The following KIAA1671 variants were observed in gnomAD, a reference collection of about 807,000 sequenced individuals.
The protein encoded by KIAA1671 is KIAA1671.
In KIAA1671, 52 loss-of-function variants were observed where a neutral mutation model predicts 131.2. The ratio of observed to expected loss-of-function variants is 0.40; its 90% CI spans 0.32 to 0.50. KIAA1671 has a LOEUF of 0.50. KIAA1671 is among the 20% of genes least tolerant of loss of function. The pLI is 0.73. For synonymous variants in KIAA1671, 1,003 were observed against 961.6 expected (o/e 1.04, Z -0.80); for missense variants, 2,360 against 2,364.2 (o/e 1.00, Z 0.04).
At position 25,054,303 on chromosome 22, in the gene KIAA1671, C is replaced by CT. The variant is rs961875170; in HGVS notation, c.4530+4948dup. ...GCAGTGGGTTCTAATAGCTAATTTT[C>CT]TTTTTTTTTCTTAAACAACAGAAAT... On this transcript the variant is annotated intron_variant, in intron 6 of 12. Coordinates refer to ENST00000358431, the MANE Select transcript of KIAA1671 (RefSeq NM_001145206.2). 22 of 148,296 alleles carry CT rather than the reference C, an allele frequency of 1.5e-4. 1 individual carries two copies. Among genetic ancestry groups the CT allele is most frequent in the African/African-American group, 4.2e-4 (17 of 40,672 alleles). 9.2% of individuals were successfully genotyped at this position (148,296 alleles called of 1,614,324 possible). A position where few individuals can be genotyped will look rare whatever the true frequency, so the allele number is the denominator to read the frequency against.
intron 6 of KIAA1671, among the ~76,000 whole-genome samples, chr22:25,148,965 C>T (rs774875340): frequency 1.3e-5 from 2 of 152,170 alleles, no homozygotes; most frequent in Non-Finnish European, 2.9e-5. Flanking sequence ...CTGAAAAGAG[C>T]GAATTCCGAA....
At chr22:25,113,600 G>A (rs1284835031) in intron 6 of KIAA1671, among the ~76,000 whole-genome samples, 2 of 152,178 alleles carry the variant, frequency 1.3e-5, no homozygotes, top group African/African-American at 4.8e-5. Context: ...TATCCCCTCT[G>A]CTGACCCAGA....
intron 6 of KIAA1671, among the ~76,000 whole-genome samples, chr22:25,097,370 C>T (rs560516922): frequency 2.0e-5 from 3 of 152,304 alleles, no homozygotes; most frequent in Admixed American, 6.5e-5. Context: ...TGTATTACCT[C>T]GCACAGTTCA....
chr22:25,018,616 G>A (rs1925476336), intron 1 of KIAA1671, among the ~76,000 whole-genome samples: 1 of 152,012 alleles, frequency 6.6e-6, no homozygotes, highest in Non-Finnish European at 1.5e-5. Flanking sequence ...TTATGAATTT[G>A]CCTATTCTAA....
chr22:25,190,291 G>A (rs188127686), intron 11 of KIAA1671, among the ~76,000 whole-genome samples: 43 of 152,146 alleles, frequency 2.8e-4, no homozygotes, highest in Middle Eastern at 3.4e-3. Context: ...TTCACAATAG[G>A]GTTCACACTC....
At chr22:25,137,357 TCTTCCTATGTTA>T (rs1932724274) in intron 6 of KIAA1671, among the ~76,000 whole-genome samples, 2 of 152,230 alleles carry the variant, frequency 1.3e-5, no homozygotes, top group African/African-American at 4.8e-5. Context: ...GCCCGAATTC[TCTTCCTATGTTA>T]CCAGGCCTGT....
intron 6 of KIAA1671, among the ~76,000 whole-genome samples, chr22:25,075,090 A>G (rs1929034019): frequency 6.6e-6 from 1 of 152,200 alleles, no homozygotes; most frequent in South Asian, 2.1e-4. Context: ...AGAAGTTAAC[A>G]TTGGTGCATT....
intron 1 of KIAA1671, among the ~76,000 whole-genome samples, chr22:24,995,186 G>A (rs1235092401): frequency 1.3e-5 from 2 of 151,514 alleles, no homozygotes; most frequent in African/African-American, 2.4e-5. Flanking sequence ...GAGTAGCTGG[G>A]ACTACAAGTG....
chr22:24,992,218 G>T (rs959805417), intron 1 of KIAA1671, among the ~76,000 whole-genome samples: 9 of 152,296 alleles, frequency 5.9e-5, no homozygotes, highest in Non-Finnish European at 8.8e-5. Context: ...ACCCTAAAGA[G>T]CTGGATTCCT....
At chr22:25,166,125 G>T (rs929473289) in intron 6 of KIAA1671, among the ~76,000 whole-genome samples, 1 of 152,212 alleles carries the variant, frequency 6.6e-6, no homozygotes, top group African/African-American at 2.4e-5. Context: ...AGCTGCCGCC[G>T]TGGGTGAACA....
intron 6 of KIAA1671, among the ~76,000 whole-genome samples, chr22:25,118,623 C>G (rs1931793014): frequency 6.6e-6 from 1 of 152,078 alleles, no homozygotes; most frequent in Non-Finnish European, 1.5e-5. Context: ...TGTCAGCCCC[C>G]CACACACTCC....
At chr22:24,975,658 G>A (rs942026343) in intron 1 of KIAA1671, among the ~76,000 whole-genome samples, 1 of 152,052 alleles carries the variant, frequency 6.6e-6, no homozygotes, top group Non-Finnish European at 1.5e-5. Flanking sequence ...CATTTTCGTA[G>A]GTCAAGAATG....
intron 4 of KIAA1671, among the ~76,000 whole-genome samples, chr22:25,035,272 C>G (rs1926527052): frequency 2.0e-5 from 3 of 152,068 alleles, no homozygotes; most frequent in Admixed American, 1.3e-4. Flanking sequence ...GTCTTGAACT[C>G]CTGACCTCAG....
intron 6 of KIAA1671, chr22:25,062,801 C>A (rs553779826): frequency 1.4e-4 from 18 of 132,002 alleles, no homozygotes; most frequent in African/African-American, 3.9e-4. Flanking sequence ...CTGTTCCCCC[C>A]CTCCCAACCG....
At chr22:25,009,942 G>C (rs552072479) in intron 1 of KIAA1671, 1 of 152,334 alleles carries the variant, frequency 6.6e-6, no homozygotes, top group South Asian at 2.1e-4. Context: ...ACACAGGCCA[G>C]ACTTGTGAAC....
rs557208545 is a variant in KIAA1671, at chr22:25,194,850, G to C, written c.*2449G>C. ...GACCTCTGAGACCTGCTTATGATCA[G>C]TGCAATGAAGTTAGAAGTAACTGAT... On this transcript the variant is annotated 3_prime_UTR_variant, in exon 13 of 13. Coordinates refer to ENST00000358431, the MANE Select transcript of KIAA1671 (RefSeq NM_001145206.2). The C allele has an allele frequency of 4.9e-4, 74 of 152,294 alleles. No homozygotes were observed. The highest frequency in any genetic ancestry group is 1.8e-3 in the African/African-American group (74 of 41,554). The allele number at this position is 152,294 out of a possible 1,614,324, so 9.4% of individuals were successfully genotyped here. A position where few individuals can be genotyped will look rare whatever the true frequency, so the allele number is the denominator to read the frequency against.
At chr22:25,093,495 A>G (rs12166834) in intron 6 of KIAA1671, among the ~76,000 whole-genome samples, 41,332 of 151,946 alleles carry the variant, frequency 0.27, 6,998 homozygotes, top group African/African-American at 0.49. Flanking sequence ...AGTGACACTC[A>G]CTGCTGGCAG....
chr22:25,150,836 C>CTTTTTTTTTTTTTTTTTTT (rs1324671566), intron 6 of KIAA1671, among the ~76,000 whole-genome samples: 9 of 125,934 alleles, frequency 7.1e-5, no homozygotes, highest in East Asian at 2.2e-4. Flanking sequence ...GGGTCCTTTG[C>CTTTTTTTTTTTTTTTTTTT]TTTTTTTTTT....
chr22:25,185,067 C>G lies in KIAA1671; in HGVS notation c.5290C>G (p.Pro1764Ala), dbSNP rs1934427065. The part of the protein sequence containing the change: ...QPKSPKSPFQ[P>A]GVLGSRVLPS... ...CAAGAGCCCCAAGTCCCCCTTCCAG[C>G]CTGGGGTGCTGGGCAGTCGCGTGCT... Residue 1764 changes from proline to alanine, a missense_variant, in exon 11 of 13, where the codon CCT becomes GCT. Physicochemically the swap from Pro to Ala is conservative, Grantham distance 27 (BLOSUM62 -1). Coordinates refer to ENST00000358431, the MANE Select transcript of KIAA1671 (RefSeq NM_001145206.2). The G allele has an allele frequency of 6.4e-7, 1 of 1,551,656 alleles. No homozygotes were observed. The highest frequency in any genetic ancestry group is 8.7e-7 in the Non-Finnish European group (1 of 1,146,986).
Sources: gnomAD v4.1 joint callset for allele counts (sites outside exome capture counted in the v4.1 genomes callset) on GRCh38, gnomAD v4.1.1 for gene constraint, MANE v1.5 for transcripts, NCBI Gene and HGNC (gene_info 2026-07-23, HGNC 2026-07-21) for gene names.